The following ITPR2 variants were observed in gnomAD, a reference collection of about 807,000 sequenced individuals.
ITPR2 encodes inositol 1,4,5-trisphosphate receptor type 2.
Under a neutral mutation model 317.1 loss-of-function variants are expected in ITPR2, and 207 were observed. The ratio of observed to expected loss-of-function variants is 0.65; its 90% CI spans 0.58 to 0.73. The LOEUF is 0.73. Among genes scored for constraint, ITPR2 ranks in the 30% least tolerant of loss-of-function variants. The pLI is 0.00. For synonymous variants in ITPR2, 1,156 were observed against 1,149.1 expected, an observed-to-expected ratio of 1.01 and a Z score of -0.12; for missense variants, 2,613 against 3,284.0, an observed-to-expected ratio of 0.80 and a Z score of 4.99.
intron 26 of ITPR2, among the ~76,000 whole-genome samples, chr12:26,612,082 G>A (rs772721640): frequency 7.9e-5 from 12 of 152,206 alleles, no homozygotes; most frequent in Non-Finnish European, 1.3e-4. Flanking sequence ...TTATTTATAA[G>A]AGATCAAGTA....
At chr12:26,480,852 TAAAAATAAAATA>T (rs200014455) in intron 43 of ITPR2, among the ~76,000 whole-genome samples, 6,131 of 151,538 alleles carry the variant, frequency 0.04, 141 homozygotes, top group Middle Eastern at 0.12. Flanking sequence ...AAAGTAAAGT[TAAAAATAAAATA>T]AAAAATAAAA....
chr12:26,606,190 G>GAAA (rs10701660), intron 26 of ITPR2, among the ~76,000 whole-genome samples: 26 of 148,108 alleles, frequency 1.8e-4, no homozygotes, highest in Admixed American at 2.7e-4. Context: ...AATGGGCCTA[G>GAAA]AAAAAAAAAA....
chr12:26,646,987 T>A (rs1947128264), intron 21 of ITPR2, among the ~76,000 whole-genome samples: 1 of 152,226 alleles, frequency 6.6e-6, no homozygotes, highest in African/African-American at 2.4e-5. Context: ...GGTCTTTTGG[T>A]AGTTTTCTAT....
intron 1 of ITPR2, among the ~76,000 whole-genome samples, chr12:26,810,863 A>C (rs1382056891): frequency 1.3e-5 from 2 of 151,998 alleles, no homozygotes; most frequent in East Asian, 3.9e-4. Context: ...ACAGGATCTC[A>C]CTATGCTTCC....
At chr12:26,387,383 A>G (rs1939697262) in intron 55 of ITPR2, 51 bp downstream of exon 55, 1 of 1,547,532 alleles carries the variant, frequency 6.5e-7, no homozygotes, top group Non-Finnish European at 8.8e-7. Context: ...GAGAAGATGA[A>G]AGCCTAAAAG....
At chr12:26,640,801 G>A (rs1301055293) in intron 21 of ITPR2, among the ~76,000 whole-genome samples, 1 of 152,110 alleles carries the variant, frequency 6.6e-6, no homozygotes, top group African/African-American at 2.4e-5. Flanking sequence ...TATAAGGCAT[G>A]TCACACACAT....
chr12:26,751,850 A>T (rs1487913035), intron 2 of ITPR2, among the ~76,000 whole-genome samples: 6 of 151,146 alleles, frequency 4.0e-5, no homozygotes, highest in African/African-American at 1.2e-4. Context: ...TGGGCGACAG[A>T]GCAAGACTCT....
intron 40 of ITPR2, 107 bp downstream of exon 40, chr12:26,486,961 G>A: frequency 8.8e-7 from 1 of 1,129,956 alleles, no homozygotes; most frequent in Non-Finnish European, 1.3e-6. Context: ...GCCACAGTGG[G>A]GATAATTAAA....
Position 26,654,111 on chromosome 12 carries a change from G to A in ITPR2, c.2605C>T (p.Arg869Trp), listed in dbSNP as rs1405880434. Residue 869 changes from arginine (R) to tryptophan (W), a missense_variant, in exon 21 of 57, where the codon CGG (arginine) becomes TGG (tryptophan). Transcript: ENST00000381340. ...KLTFEVVHLA[R>W]NLIYFGFYSF... ...TAAAATCCAAAGTATATAAGATTCC[G>A]AGCCAAGTGGACCACCTTAATAAAA... 2 of 1,126,908 alleles carry A rather than the reference G, an allele frequency of 1.8e-6. No individual in the cohort carries two copies. Among genetic ancestry groups the A allele is most frequent in the Non-Finnish European group, 2.4e-6 (2 of 834,696 alleles). The allele number at this position is 1,126,908 out of a possible 1,614,324, so 69.8% of individuals were successfully genotyped here. A position where few individuals can be genotyped will look rare whatever the true frequency, so the allele number is the denominator to read the frequency against.
chr12:26,720,659 C>T (rs1434806188), intron 5 of ITPR2, among the ~76,000 whole-genome samples: 2 of 152,156 alleles, frequency 1.3e-5, no homozygotes, highest in Non-Finnish European at 2.9e-5. Context: ...TTGTTTCAGC[C>T]ATGCTTTCTG....
intron 2 of ITPR2, among the ~76,000 whole-genome samples, chr12:26,726,954 TAGTA>T (rs1306311999): frequency 1.3e-5 from 2 of 152,020 alleles, no homozygotes; most frequent in African/African-American, 4.8e-5. Context: ...GACAAGGTAA[TAGTA>T]AACTAATCTT....
intron 21 of ITPR2, among the ~76,000 whole-genome samples, chr12:26,648,528 A>G (rs1947167374): frequency 1.4e-5 from 2 of 142,860 alleles, no homozygotes; most frequent in Non-Finnish European, 3.1e-5. Context: ...TTTTTTTTTA[A>G]TTGTACTTTG....
intron 39 of ITPR2, among the ~76,000 whole-genome samples, chr12:26,487,456 TA>T (rs2136852591): frequency 6.6e-6 from 1 of 152,352 alleles, no homozygotes; most frequent in East Asian, 1.9e-4. Context: ...CATTTTCCAC[TA>T]AACTCCAACA....
chr12:26,417,646 C>A (rs1940762402), intron 50 of ITPR2, among the ~76,000 whole-genome samples: 1 of 152,126 alleles, frequency 6.6e-6, no homozygotes, highest in Non-Finnish European at 1.5e-5. Flanking sequence ...GCCTCCCCAG[C>A]CATGTGGAAC....
intron 49 of ITPR2, among the ~76,000 whole-genome samples, chr12:26,420,356 T>C (rs191800737): frequency 1.4e-3 from 210 of 152,312 alleles, no homozygotes; most frequent in African/African-American, 4.8e-3. Context: ...CTTTGCAACA[T>C]TGTTGATTTG....
chr12:26,416,851 G>T (rs543017460), intron 50 of ITPR2, among the ~76,000 whole-genome samples: 3 of 152,050 alleles, frequency 2.0e-5, no homozygotes, highest in African/African-American at 7.2e-5. Context: ...CTCAGCTGAG[G>T]TTTAAAGAAA....
chr12:26,790,714 G>A (rs1453715701), intron 1 of ITPR2, among the ~76,000 whole-genome samples: 4 of 151,500 alleles, frequency 2.6e-5, no homozygotes, highest in Admixed American at 6.6e-5. Flanking sequence ...TATTTTTCCC[G>A]GTGTGTATGT....
At position 26,339,479 on chromosome 12, in the gene ITPR2, G is replaced by A; in HGVS notation, c.8024C>T (p.Thr2675Ile). 6.2e-7 allele frequency: 1 copy of A among 1,613,332 alleles called. No homozygotes were observed. The highest frequency in any genetic ancestry group is 8.5e-7 in the Non-Finnish European group (1 of 1,179,456). The change falls in exon 57 of 57, where the codon ACA (threonine) becomes ATA (isoleucine). Residue 2675 changes from threonine to isoleucine, a missense_variant. Physicochemically the swap from Thr to Ile is moderately conservative, Grantham distance 89. This residue lies in a region of ITPR2 where 119 missense variants were observed against 144.3 expected (regional missense o/e 0.82). Transcript: ENST00000381340. ...GQLAELKEQM[T>I]EQRKNKQRLG... ...TCTCTGCTTATTCTTCCTTTGTTCTGTCATCTGGGGGAAAAGAGAGAGTGT... is the reference window on the plus strand; with the variant it reads ...TCTCTGCTTATTCTTCCTTTGTTCTATCATCTGGGGGAAAAGAGAGAGTGT...
intron 4 of ITPR2, among the ~76,000 whole-genome samples, chr12:26,723,190 C>A (rs187667387): frequency 1.3e-5 from 2 of 152,182 alleles, no homozygotes; most frequent in Non-Finnish European, 2.9e-5. Flanking sequence ...AACAAAATAA[C>A]CTTTCCATCT....
Sources: allele counts gnomAD v4.1 joint callset (sites outside exome capture counted in the v4.1 genomes callset), GRCh38; gene constraint gnomAD v4.1.1; regional missense constraint gnomAD v4.1.1; transcripts MANE v1.5; gene names NCBI Gene and HGNC (gene_info 2026-07-23, HGNC 2026-07-21).